TRAPPC9: variants seen among roughly 807,000 people sequenced by gnomAD.
TRAPPC9 encodes trafficking protein particle complex subunit 9, also known as IKK2 binding protein.
A neutral mutation model predicts 124.0 loss-of-function variants in TRAPPC9; 83 were observed. The ratio of observed to expected loss-of-function variants is 0.67; its 90% CI spans 0.56 to 0.80. The LOEUF (loss-of-function observed/expected upper bound fraction) is 0.80, where lower values mean the gene tolerates loss of function less well. Ranked by LOEUF, TRAPPC9 falls within the 30% of genes least tolerant of loss-of-function variation. TRAPPC9 has a pLI of 0.00. For synonymous variants in TRAPPC9, 638 were observed against 617.5 expected, an observed-to-expected ratio of 1.03 and a Z score of -0.49; for missense variants, 1,302 against 1,508.3, an observed-to-expected ratio of 0.86 and a Z score of 2.27.
intron 9 of TRAPPC9, among the ~76,000 whole-genome samples, chr8:140,356,814 T>TGTC (rs143098777): frequency 0.065 from 9,932 of 152,022 alleles, 1,060 homozygotes; most frequent in African/African-American, 0.22. Flanking sequence ...TTCACTATGT[T>TGTC]GTCCAGGCTA....
intron 14 of TRAPPC9, among the ~76,000 whole-genome samples, chr8:140,276,143 A>C (rs995325207): frequency 6.6e-6 from 1 of 152,224 alleles, no homozygotes; most frequent in Non-Finnish European, 1.5e-5. Context: ...TAAAAATTAC[A>C]TGATGAATTC....
chr8:140,248,433 G>T (rs1379315889), intron 16 of TRAPPC9, among the ~76,000 whole-genome samples: 2 of 152,264 alleles, frequency 1.3e-5, no homozygotes, highest in Non-Finnish European at 2.9e-5. Flanking sequence ...CCTGCTGGCT[G>T]TGTGGGGATT....
intron 21 of TRAPPC9, among the ~76,000 whole-genome samples, chr8:139,754,930 G>T (rs2130257816): frequency 6.6e-6 from 1 of 152,366 alleles, no homozygotes; most frequent in African/African-American, 2.4e-5. Context: ...AACACAGGGT[G>T]TGGCTACCAG....
At chr8:140,292,401 C>A (rs2131772267) in intron 11 of TRAPPC9, among the ~76,000 whole-genome samples, 1 of 152,294 alleles carries the variant, frequency 6.6e-6, no homozygotes, top group African/African-American at 2.4e-5. Context: ...CTCAGAGGCA[C>A]CCCGAGCAGA....
intron 20 of TRAPPC9, 101 bp downstream of exon 20, chr8:139,910,046 T>C: frequency 1.5e-6 from 2 of 1,360,364 alleles, no homozygotes; most frequent in Non-Finnish European, 2.0e-6. Flanking sequence ...GAGCTACCTG[T>C]GGTGAAAATT....
intron 21 of TRAPPC9, among the ~76,000 whole-genome samples, chr8:139,756,812 G>A (rs1586777214): frequency 1.5e-5 from 2 of 130,596 alleles, no homozygotes; most frequent in South Asian, 2.8e-4. Context: ...GTCGCAGGAG[G>A]AGCCAGGGAT....
At chr8:139,858,010 C>A (rs1392060672) in intron 21 of TRAPPC9, among the ~76,000 whole-genome samples, 6 of 152,222 alleles carry the variant, frequency 3.9e-5, no homozygotes, top group Non-Finnish European at 5.9e-5. Context: ...GGAGGCTTCA[C>A]CATCTGGGAG....
At chr8:139,885,740 C>T in intron 21 of TRAPPC9, 139 bp downstream of exon 21, 1 of 807,542 alleles carries the variant, frequency 1.2e-6, no homozygotes, top group Non-Finnish European at 2.1e-6. Flanking sequence ...CCGTCTTTTT[C>T]CCCCAAGGTT....
intron 21 of TRAPPC9, among the ~76,000 whole-genome samples, chr8:139,795,728 A>C (rs1823010919): frequency 6.6e-6 from 1 of 152,046 alleles, no homozygotes; most frequent in Admixed American, 6.5e-5. Context: ...AAACAATCTG[A>C]TGTCATGATG....
At chr8:140,310,267 T>C (rs1196320090) in intron 10 of TRAPPC9, among the ~76,000 whole-genome samples, 1 of 152,138 alleles carries the variant, frequency 6.6e-6, no homozygotes, top group Non-Finnish European at 1.5e-5. Context: ...GACTCATTCA[T>C]GGAATGCAGC....
intron 19 of TRAPPC9, among the ~76,000 whole-genome samples, chr8:139,916,934 T>C (rs1832174141): frequency 6.6e-6 from 1 of 152,216 alleles, no homozygotes; most frequent in Non-Finnish European, 1.5e-5. Context: ...TGTGAATCGA[T>C]TGCCTGTGCA....
At chr8:139,931,051 T>C (rs1833112019) in intron 19 of TRAPPC9, 2 of 152,200 alleles carry the variant, frequency 1.3e-5, no homozygotes, top group African/African-American at 2.4e-5. Context: ...GCCCTGGCTC[T>C]TGTCCTCCCA....
At chr8:140,394,283 G>A (rs953645004) in intron 7 of TRAPPC9, among the ~76,000 whole-genome samples, 2 of 152,118 alleles carry the variant, frequency 1.3e-5, no homozygotes, top group African/African-American at 2.4e-5. Context: ...CGGAGGGTCC[G>A]TTTAAAAGCA....
rs71520259 is a variant in TRAPPC9, at chr8:140,179,993, A to ATTTTTTTTTTT, written c.2556+41455_2556+41465dup. 2.1e-3 allele frequency among the ~76,000 whole-genome samples: 185 copies of ATTTTTTTTTTT among 90,026 alleles called. 8 individuals are homozygous for ATTTTTTTTTTT. The highest frequency in any genetic ancestry group is 4.8e-3 in the East Asian group (10 of 2,078). 59.1% of individuals were successfully genotyped at this position (90,026 alleles called of 152,430 possible). A position where few individuals can be genotyped will look rare whatever the true frequency, so the allele number is the denominator to read the frequency against. On this transcript the variant is annotated intron_variant, in intron 17 of 22. Coordinates refer to ENST00000438773, the MANE Select transcript of TRAPPC9 (RefSeq NM_001160372.4). Reference sequence around the variant, plus strand: ...ATAAACAATTTATAGTTATATCTTGATTTTTTTTTTTTTTTTTTTTTGGCC... The same window carrying ATTTTTTTTTTT: ...ATAAACAATTTATAGTTATATCTTGATTTTTTTTTTTTTTTTTTTTTTTTTTTTTTTTGGCC...
intron 17 of TRAPPC9, among the ~76,000 whole-genome samples, chr8:140,201,117 G>C (rs569114207): frequency 2.2e-4 from 33 of 152,342 alleles, no homozygotes; most frequent in African/African-American, 7.0e-4. Flanking sequence ...GGGAAGAAGA[G>C]TGTGACGGAG....
At chr8:140,054,611 A>G (rs983358414) in intron 17 of TRAPPC9, among the ~76,000 whole-genome samples, 1 of 152,180 alleles carries the variant, frequency 6.6e-6, no homozygotes, top group East Asian at 1.9e-4. Context: ...AAAAACAACT[A>G]AATTTTTAGA....
intron 17 of TRAPPC9, among the ~76,000 whole-genome samples, chr8:140,033,673 T>TTTGTG (rs1563706816): frequency 1.3e-5 from 1 of 76,732 alleles, no homozygotes; most frequent in Non-Finnish European, 2.6e-5. Flanking sequence ...TTTTTTTTTT[T>TTTGTG]TTTTTTTTTT....
At chr8:139,817,045 A>ACACACACACACACACAC (rs1824887532) in intron 21 of TRAPPC9, among the ~76,000 whole-genome samples, 1 of 135,288 alleles carries the variant, frequency 7.4e-6, no homozygotes, top group Non-Finnish European at 1.6e-5. Flanking sequence ...ACATAAACTA[A>ACACACACACACACACAC]ACACACACAC....
At chr8:140,400,442 G>C (rs913381244) in intron 6 of TRAPPC9, among the ~76,000 whole-genome samples, 3 of 152,142 alleles carry the variant, frequency 2.0e-5, no homozygotes, top group Admixed American at 6.5e-5. Flanking sequence ...AACATTTTTA[G>C]AAACTCTCAC....
Sources: gnomAD v4.1 joint callset for allele counts (sites outside exome capture counted in the v4.1 genomes callset) on GRCh38, gnomAD v4.1.1 for gene constraint, MANE v1.5 for transcripts, NCBI Gene and HGNC (gene_info 2026-07-23, HGNC 2026-07-21) for gene names.